Variants in TRIM69 observed in about 807,000 individuals in gnomAD.
TRIM69 encodes tripartite motif containing 69.
In TRIM69, 29 loss-of-function variants were observed where a neutral mutation model predicts 37.7. That is an observed-to-expected ratio of 0.77 (90% CI 0.57 to 1.05). TRIM69 has a LOEUF of 1.05. Ranked by LOEUF, TRIM69 falls within the 50% of genes least tolerant of loss-of-function variation. TRIM69 has a pLI of 0.00. For missense variants in TRIM69, 596 were observed against 579.9 expected (o/e 1.03, Z -0.28); for synonymous variants, 209 against 212.4 (o/e 0.98, Z 0.14).
At chr15:44,742,750 C>A (rs567009593) in intron 1 of TRIM69, among the ~76,000 whole-genome samples, 1 of 143,710 alleles carries the variant, frequency 7.0e-6, no homozygotes, top group Non-Finnish European at 1.5e-5. Context: ...AGGAATCCAA[C>A]TTACAAGGGA....
intron 1 of TRIM69, among the ~76,000 whole-genome samples, chr15:44,740,274 A>G (rs550672983): frequency 6.6e-6 from 1 of 152,216 alleles, no homozygotes; most frequent in Non-Finnish European, 1.5e-5. Flanking sequence ...AACCGCAAAG[A>G]TGGGGAAAAA....
rs779544781 is a variant in TRIM69 at position 44,759,616 on chromosome 15, GTC to G, written c.814-18_814-17del. The G allele has an allele frequency of 1.7e-5, 27 of 1,612,038 alleles. No homozygotes were observed. In the South Asian group the frequency reaches 2.5e-4, roughly 15 times the overall value. On this transcript the variant is annotated intron_variant, in intron 4 of 6. Coordinates refer to ENST00000329464, the MANE Select transcript of TRIM69 (RefSeq NM_182985.5). ...GAGAGTTGATGAACGGGCATCTGAT[GTC>G]TCTCTTTCTCCTTTCTTCTAGGACA...
chr15:44,755,191 G>C lies in TRIM69; in HGVS notation c.298G>C (p.Val100Leu). Residue 100 changes from valine to leucine, a missense_variant, in exon 2 of 7, where the codon GTA becomes CTA. Transcript: ENST00000329464. ...CTFNPVLDKLVEKIKKLPLLK... is the reference protein window; with the variant it reads ...CTFNPVLDKLLEKIKKLPLLK... ...ATTCAACCCTGTACTGGACAAGTTGGTAGAGAAGATTAAGAAGTTACCCTT... is the reference window on the plus strand; with the variant it reads ...ATTCAACCCTGTACTGGACAAGTTGCTAGAGAAGATTAAGAAGTTACCCTT... The C allele has an allele frequency of 6.2e-7, 1 of 1,614,170 alleles. No individual in the cohort carries two copies. The highest frequency in any genetic ancestry group is 1.3e-5 in the African/African-American group (1 of 75,030).
At chr15:44,757,389 G>A (rs1300079721) in intron 3 of TRIM69, 1 of 152,162 alleles carries the variant, frequency 6.6e-6, no homozygotes, top group Non-Finnish European at 1.5e-5. Context: ...GACTGGGGGA[G>A]GGGTGTTCTC....
chr15:44,759,497 A>T (rs1329482513), intron 4 of TRIM69, 143 bp from the exon 5 acceptor site: 2 of 789,198 alleles, frequency 2.5e-6, no homozygotes, highest in African/African-American at 3.5e-5. Context: ...TGAAGATTAG[A>T]AAAAGTGTAT....
chr15:44,739,711 A>G (rs918753720), intron 1 of TRIM69, among the ~76,000 whole-genome samples: 8 of 152,048 alleles, frequency 5.3e-5, no homozygotes, highest in Admixed American at 6.6e-5. Context: ...TTGCTTAGGT[A>G]AACAAAGCAG....
At position 44,766,830 on chromosome 15, in the gene TRIM69, G is replaced by A. The variant is rs534149837; in HGVS notation, c.962-401G>A. 2.5e-3 allele frequency among the ~76,000 whole-genome samples: 387 copies of A among 151,976 alleles called. 3 individuals are homozygous for A. Among genetic ancestry groups the A allele is most frequent in the Non-Finnish European group, 1.0e-3 (68 of 67,966 alleles). On this transcript the variant is annotated intron_variant, in intron 6 of 6. Coordinates refer to ENST00000329464, the MANE Select transcript of TRIM69 (RefSeq NM_182985.5). ...TCAGCACTTTGAGAGGCCTAGGCAG[G>A]TGGGTTGCTTGGGGCCAGGAGTTCA...
intron 6 of TRIM69, among the ~76,000 whole-genome samples, chr15:44,766,286 C>T (rs954101056): frequency 3.9e-5 from 6 of 152,186 alleles, no homozygotes; most frequent in African/African-American, 9.6e-5. Flanking sequence ...TATCTTTGTC[C>T]GAGACTGTTA....
In TRIM69 at chr15:44,750,715, CT is replaced by C. The variant is rs869059418; in HGVS notation, c.7-4158del. 1.1e-3 allele frequency among the ~76,000 whole-genome samples: 111 copies of C among 102,836 alleles called. 3 individuals carry two copies. The highest frequency in any genetic ancestry group is 1.6e-3 in the African/African-American group (41 of 25,904). The allele number at this position is 102,836 out of a possible 152,430, so 67.5% of individuals were successfully genotyped here. A position where few individuals can be genotyped will look rare whatever the true frequency, so the allele number is the denominator to read the frequency against. On this transcript the variant is annotated intron_variant, in intron 1 of 6. Coordinates refer to ENST00000329464, the MANE Select transcript of TRIM69 (RefSeq NM_182985.5). ...TCGCATTTTTATTTCATTACTTTTT[CT>C]TTTTTTTTTTTTTTTTTTTTTTTTT...
intron 1 of TRIM69, among the ~76,000 whole-genome samples, chr15:44,737,956 T>C (rs1271496593): frequency 6.6e-6 from 1 of 152,136 alleles, no homozygotes; most frequent in Non-Finnish European, 1.5e-5. Context: ...GGATTTCTTA[T>C]GCAAGCTTCC....
At chr15:44,748,697 A>G (rs1278815412) in intron 1 of TRIM69, among the ~76,000 whole-genome samples, 2 of 151,048 alleles carry the variant, frequency 1.3e-5, no homozygotes, top group Non-Finnish European at 3.0e-5. Context: ...ATGGTGACGC[A>G]TGCCTGTAAT....
Position 44,767,053 on chromosome 15 carries a change from C to CAAAA in TRIM69, c.962-150_962-147dup, listed in dbSNP as rs55736812. 7.8e-4 allele frequency among the ~76,000 whole-genome samples: 19 copies of CAAAA among 24,314 alleles called. 1 individual carries two copies. Among genetic ancestry groups the CAAAA allele is most frequent in the African/African-American group, 1.5e-3 (10 of 6,596 alleles). 16.0% of individuals were successfully genotyped at this position (24,314 alleles called of 152,430 possible). On this transcript the variant is annotated intron_variant, in intron 6 of 6. Coordinates refer to ENST00000329464, the MANE Select transcript of TRIM69 (RefSeq NM_182985.5). ...CAGCCCTGGGCAACCTTGTCTGCCT[C>CAAAA]AAAAAAAAAAAAAAAAAAAAAAAAA...
At chr15:44,750,923 T>C (rs2087511112) in intron 1 of TRIM69, among the ~76,000 whole-genome samples, 1 of 146,558 alleles carries the variant, frequency 6.8e-6, no homozygotes, top group Non-Finnish European at 1.5e-5. Flanking sequence ...TGTTTTTCTA[T>C]TTTCTATTTT....
chr15:44,745,069 TA>T (rs35438847), intron 1 of TRIM69, among the ~76,000 whole-genome samples: 120,279 of 138,146 alleles, frequency 0.87, 52,668 homozygotes, highest in Middle Eastern at 0.95. Flanking sequence ...GAGTGCATAC[TA>T]AAAAAAAAAA....
intron 4 of TRIM69, 119 bp from the exon 5 acceptor site, chr15:44,759,521 A>C (rs1411886991): frequency 1.2e-5 from 11 of 925,870 alleles, no homozygotes; most frequent in Non-Finnish European, 1.9e-5. Flanking sequence ...GGATGAAAGA[A>C]GTTGGTAGAG....
intron 1 of TRIM69, among the ~76,000 whole-genome samples, chr15:44,740,066 G>T (rs557686035): frequency 1.3e-5 from 2 of 152,296 alleles, no homozygotes; most frequent in African/African-American, 4.8e-5. Context: ...CAGCATTCGC[G>T]GTTCACGAAA....
Position 44,758,871 on chromosome 15 carries a change from A to T in TRIM69, c.813+17A>T, listed in dbSNP as rs775130796. On this transcript the variant is annotated intron_variant, in intron 4 of 6. Transcript: ENST00000329464. ...TTTCTCAAAGTGAGAATCCACACCA[A>T]TATGATTATGGGTACCTTCCTACCT... 1.2e-6 allele frequency: 2 copies of T among 1,603,028 alleles called. No homozygotes were observed. Among genetic ancestry groups the T allele is most frequent in the Non-Finnish European group, 1.7e-6 (2 of 1,174,366 alleles).
At chr15:44,756,936 G>A (rs1017810928) in intron 3 of TRIM69, 1 of 152,688 alleles carries the variant, frequency 6.5e-6, no homozygotes, top group African/African-American at 2.4e-5. Flanking sequence ...GCTAAATAAA[G>A]CTATTGTCTG....
rs778270656 is a variant in TRIM69 at position 44,767,676 on chromosome 15, T to G, written c.1407T>G (p.Ser469Arg). Residue 469 changes from serine (S) to arginine (R), a missense_variant, in exon 7 of 7, where the codon AGT becomes AGG. Ser to Arg is a moderately radical substitution (Grantham distance 110). Transcript: ENST00000329464. ...AKTMTHIYTF[S>R]NTFMEKLYPY... is the part of the protein sequence containing the mutation. ...CCATGACTCACATTTACACCTTCAG[T>G]AACACTTTCATGGAGAAACTTTATC... 2.5e-6 allele frequency: 4 copies of G among 1,614,212 alleles called. No individual in the cohort carries two copies. Among genetic ancestry groups the G allele is most frequent in the Non-Finnish European group, 2.5e-6 (3 of 1,180,024 alleles).
Sources: allele counts gnomAD v4.1 joint callset (sites outside exome capture counted in the v4.1 genomes callset), GRCh38; gene constraint gnomAD v4.1.1; transcripts MANE v1.5; gene names NCBI Gene and HGNC (gene_info 2026-07-23, HGNC 2026-07-21).